AXDND1: variants seen among roughly 807,000 people sequenced by gnomAD.
AXDND1 encodes axonemal dynein light chain domain containing 1, also known as axonemal dynein light chain domain-containing protein 1.
AXDND1 carries 110 observed loss-of-function variants against 137.5 expected under a neutral mutation model. The observed-to-expected ratio is 0.80, with a 90% CI of 0.69 to 0.94. The LOEUF is 0.94. AXDND1 is among the 40% of genes least tolerant of loss of function. The pLI, the probability that AXDND1 is intolerant of heterozygous loss-of-function variation, is 0.00. For missense variants in AXDND1, 1,191 were observed against 1,169.8 expected (o/e 1.02, Z -0.26); for synonymous variants, 414 against 399.7 (o/e 1.04, Z -0.43).
At position 179,442,667 on chromosome 1, in the gene AXDND1, C is replaced by T. The variant is rs1042940498; in HGVS notation, c.1564-2303C>T. ...TTCCCATTACTTCTTTAAAGCACTG[C>T]TCTCGGTACCTCTTTAGGGCACTGA... On this transcript the variant is annotated intron_variant, in intron 15 of 25. Transcript: ENST00000367618. Among the ~76,000 whole-genome samples, 48 of 152,204 alleles carry T rather than the reference C, an allele frequency of 3.2e-4. 1 individual carries two copies. The highest frequency in any genetic ancestry group is 2.1e-4 in the Non-Finnish European group (14 of 68,044).
intron 18 of AXDND1, among the ~76,000 whole-genome samples, chr1:179,485,819 C>T (rs1665972626): frequency 1.3e-5 from 2 of 152,034 alleles, no homozygotes; most frequent in African/African-American, 4.8e-5. Context: ...AGATGAAATG[C>T]CATTATAAGA....
chr1:179,528,067 A>G (rs1304599023), intron 22 of AXDND1, among the ~76,000 whole-genome samples: 1 of 152,112 alleles, frequency 6.6e-6, no homozygotes, highest in African/African-American at 2.4e-5. Flanking sequence ...TATCTCTCCT[A>G]TAGTACTGTC....
At chr1:179,418,769 C>A (rs1457095047) in intron 12 of AXDND1, among the ~76,000 whole-genome samples, 5 of 152,116 alleles carry the variant, frequency 3.3e-5, no homozygotes, top group Non-Finnish European at 5.9e-5. Flanking sequence ...AGACGCTCCT[C>A]ACTTCCCAGA....
chr1:179,539,329 G>A (rs1448587117), intron 25 of AXDND1, among the ~76,000 whole-genome samples: 4 of 152,160 alleles, frequency 2.6e-5, no homozygotes, highest in African/African-American at 9.6e-5. Flanking sequence ...GACTGGTACC[G>A]ATTGTTTCTT....
intron 25 of AXDND1, among the ~76,000 whole-genome samples, chr1:179,539,854 A>G (rs1317869824): frequency 1.3e-5 from 2 of 151,986 alleles, no homozygotes; most frequent in African/African-American, 4.8e-5. Flanking sequence ...GTCTTTTCAC[A>G]TAGTCCCATA....
chr1:179,404,485 G>T (rs1406677131), intron 11 of AXDND1, among the ~76,000 whole-genome samples: 16 of 131,932 alleles, frequency 1.2e-4, no homozygotes, highest in Non-Finnish European at 2.6e-4. Flanking sequence ...CCCTCCCAAA[G>T]TGCTGGAATT....
chr1:179,419,136 G>A (rs1308173460), intron 12 of AXDND1, among the ~76,000 whole-genome samples: 1 of 150,824 alleles, frequency 6.6e-6, no homozygotes, highest in Admixed American at 6.6e-5. Context: ...TTCCAGACTG[G>A]GCAGCCAGGC....
At chr1:179,530,612 G>T (rs1238673078) in intron 23 of AXDND1, among the ~76,000 whole-genome samples, 2 of 151,468 alleles carry the variant, frequency 1.3e-5, no homozygotes, top group African/African-American at 4.8e-5. Context: ...CATGTGGATA[G>T]CCCAGGTAAG....
chr1:179,499,189 C>T (rs1385824253), intron 20 of AXDND1, among the ~76,000 whole-genome samples: 1 of 152,028 alleles, frequency 6.6e-6, no homozygotes, highest in Admixed American at 6.6e-5. Context: ...CTGGAAACAA[C>T]CTAAATGTCC....
chr1:179,429,535 A>G lies in AXDND1; in HGVS notation c.1248A>G (p.Arg416=). The change falls in exon 13 of 26, where the codon AGA becomes AGG. Residue 416 remains arginine (R), a synonymous_variant. Coordinates refer to ENST00000367618, the MANE Select transcript of AXDND1 (RefSeq NM_144696.6). ...ELALKVIERN[R]VILARRLYLN... is the part of the protein sequence containing the mutation. ...TTTTATAGGTGATTGAAAGAAATAG[A>G]GTCATATTGGCTAGAAGACTTTACC... The G allele has an allele frequency of 6.5e-7, 1 of 1,540,210 alleles. No individual in the cohort carries two copies. The highest frequency in any genetic ancestry group is 8.7e-7 in the Non-Finnish European group (1 of 1,144,338).
At chr1:179,447,217 C>T (rs528052711) in intron 16 of AXDND1, among the ~76,000 whole-genome samples, 22 of 152,296 alleles carry the variant, frequency 1.4e-4, no homozygotes, top group African/African-American at 4.1e-4. Context: ...TCCCTTCTCC[C>T]ACCCACACAC....
intron 18 of AXDND1, among the ~76,000 whole-genome samples, chr1:179,488,081 CATCT>C (rs1337286498): frequency 1.4e-5 from 2 of 145,072 alleles, no homozygotes; most frequent in African/African-American, 5.3e-5. Context: ...TAATTTTTTC[CATCT>C]ATCATAATGT....
chr1:179,406,283 C>T (rs1242997577), intron 11 of AXDND1, among the ~76,000 whole-genome samples: 2 of 152,138 alleles, frequency 1.3e-5, no homozygotes, highest in Non-Finnish European at 2.9e-5. Context: ...AATATATGGT[C>T]ACTTGTGGAG....
At position 179,418,927 on chromosome 1, in the gene AXDND1, A is replaced by G. The variant is rs887189149; in HGVS notation, c.1230+7661A>G. On this transcript the variant is annotated intron_variant, in intron 12 of 25. Coordinates refer to ENST00000367618, the MANE Select transcript of AXDND1 (RefSeq NM_144696.6). ...GGGCGGCAGGGCAGAGACGCTCCTC[A>G]CCTCCCAGACGGGGTCGCCGCCGGG... Among the ~76,000 whole-genome samples, 419 of 147,432 alleles carry G rather than the reference A, an allele frequency of 2.8e-3. 4 individuals are homozygous for G. The highest frequency in any genetic ancestry group is 1.0e-2 in the African/African-American group (391 of 39,172).
chr1:179,463,324 G>A (rs902553308), intron 16 of AXDND1, among the ~76,000 whole-genome samples: 1 of 152,140 alleles, frequency 6.6e-6, no homozygotes, highest in Non-Finnish European at 1.5e-5. Flanking sequence ...TTGTGTCTTT[G>A]TTCTCATTGG....
At chr1:179,504,680 A>G (rs1452554672) in intron 20 of AXDND1, among the ~76,000 whole-genome samples, 1 of 152,032 alleles carries the variant, frequency 6.6e-6, no homozygotes, top group Non-Finnish European at 1.5e-5. Flanking sequence ...GCGCCACCCC[A>G]TCCCCTGACT....
At chr1:179,456,437 A>G in intron 16 of AXDND1, 1 of 767,378 alleles carries the variant, frequency 1.3e-6, no homozygotes, top group African/African-American at 1.7e-5. Flanking sequence ...TGCTTCCACT[A>G]CCACCACCAA....
At chr1:179,413,860 A>G (rs1376377165) in intron 12 of AXDND1, among the ~76,000 whole-genome samples, 1 of 152,104 alleles carries the variant, frequency 6.6e-6, no homozygotes, top group Non-Finnish European at 1.5e-5. Context: ...CATTCCCACC[A>G]TAGTATATAA....
intron 15 of AXDND1, among the ~76,000 whole-genome samples, chr1:179,438,365 G>C (rs1014873808): frequency 6.6e-6 from 1 of 152,100 alleles, no homozygotes; most frequent in Non-Finnish European, 1.5e-5. Context: ...CCATAGGACC[G>C]TGGATTTTAA....
Sources: allele counts gnomAD v4.1 joint callset (sites outside exome capture counted in the v4.1 genomes callset), GRCh38; gene constraint gnomAD v4.1.1; transcripts MANE v1.5; gene names NCBI Gene and HGNC (gene_info 2026-07-23, HGNC 2026-07-21).